Variants in ARHGAP42 observed in about 807,000 individuals in gnomAD.
ARHGAP42 encodes the protein rho GTPase-activating protein 42.
ARHGAP42 carries 63 observed loss-of-function variants against 125.0 expected under a neutral mutation model. The observed-to-expected ratio is 0.50, with a 90% CI of 0.41 to 0.62. The LOEUF is 0.62. ARHGAP42 is among the 20% of genes least tolerant of loss of function. ARHGAP42 has a pLI of 0.00. For missense variants in ARHGAP42, 766 were observed against 1,024.2 expected, an observed-to-expected ratio of 0.75 and a Z score of 3.44; for synonymous variants, 339 against 351.0, an observed-to-expected ratio of 0.97 and a Z score of 0.38.
intron 1 of ARHGAP42, among the ~76,000 whole-genome samples, chr11:100,724,834 TTC>T (rs1861827163): frequency 9.6e-6 from 1 of 104,264 alleles, no homozygotes; most frequent in Non-Finnish European, 2.0e-5. Context: ...TACTTTTTAT[TTC>T]TTTTTTTTTA....
At chr11:100,805,397 G>T (rs1299362638) in intron 3 of ARHGAP42, among the ~76,000 whole-genome samples, 1 of 152,152 alleles carries the variant, frequency 6.6e-6, no homozygotes, top group African/African-American at 2.4e-5. Context: ...AATTAGGGAA[G>T]AAGGGAAGAA....
At chr11:100,697,482 A>C (rs779329710) in intron 1 of ARHGAP42, among the ~76,000 whole-genome samples, 1 of 152,138 alleles carries the variant, frequency 6.6e-6, no homozygotes, top group African/African-American at 2.4e-5. Flanking sequence ...GCGCCCGGCC[A>C]ATCAGTAGTG....
intron 4 of ARHGAP42, among the ~76,000 whole-genome samples, chr11:100,892,183 A>G (rs183430844): frequency 6.6e-6 from 1 of 152,340 alleles, no homozygotes; most frequent in African/African-American, 2.4e-5. Context: ...TAATAGTAAA[A>G]ACTGTATTTT....
chr11:100,969,828 A>G (rs567609030), intron 17 of ARHGAP42, among the ~76,000 whole-genome samples: 1 of 152,096 alleles, frequency 6.6e-6, no homozygotes, highest in South Asian at 2.1e-4. Flanking sequence ...AGTTTTTATT[A>G]TCTACTTTTT....
At chr11:100,724,631 G>A (rs1861823204) in intron 1 of ARHGAP42, among the ~76,000 whole-genome samples, 1 of 151,846 alleles carries the variant, frequency 6.6e-6, no homozygotes. Flanking sequence ...TATCATTTCA[G>A]TACCCAGGGG....
At chr11:100,891,722 T>A (rs1591272174) in intron 4 of ARHGAP42, among the ~76,000 whole-genome samples, 1 of 152,196 alleles carries the variant, frequency 6.6e-6, no homozygotes, top group Non-Finnish European at 1.5e-5. Flanking sequence ...GGATTACAGG[T>A]GTGAGCCACC....
intron 3 of ARHGAP42, among the ~76,000 whole-genome samples, chr11:100,832,238 A>T (rs538955948): frequency 1.4e-4 from 21 of 152,182 alleles, no homozygotes; most frequent in Admixed American, 1.2e-3. Context: ...CTTTTTCTTT[A>T]CTCTGCAGAA....
intron 1 of ARHGAP42, among the ~76,000 whole-genome samples, chr11:100,725,174 C>T (rs1270323874): frequency 3.5e-4 from 52 of 149,760 alleles, no homozygotes; most frequent in African/African-American, 1.1e-3. Flanking sequence ...AAATATTTTT[C>T]CTTTTTTTTT....
chr11:100,891,224 C>G (rs1004680996), intron 4 of ARHGAP42, among the ~76,000 whole-genome samples: 1 of 152,096 alleles, frequency 6.6e-6, no homozygotes, highest in African/African-American at 2.4e-5. Flanking sequence ...GTTTTGTTCA[C>G]AGGAACAAAA....
chr11:100,845,512 C>A (rs546901541), intron 3 of ARHGAP42, among the ~76,000 whole-genome samples: 4 of 151,828 alleles, frequency 2.6e-5, no homozygotes, highest in South Asian at 2.1e-4. Context: ...TAAAAAAAAA[C>A]TAAAAAATAA....
intron 4 of ARHGAP42, among the ~76,000 whole-genome samples, chr11:100,870,369 TAAGAGTTCGTGCTTTTATC>T (rs1386624101): frequency 6.6e-6 from 1 of 152,216 alleles, no homozygotes; most frequent in Non-Finnish European, 1.5e-5. Context: ...GTTCTTGGTT[TAAGAGTTCGTGCTTTTATC>T]TGTAGATACA....
intron 3 of ARHGAP42, among the ~76,000 whole-genome samples, chr11:100,807,736 T>A (rs974326230): frequency 2.0e-5 from 3 of 152,202 alleles, no homozygotes; most frequent in Non-Finnish European, 2.9e-5. Context: ...CATCTCTAGT[T>A]CTTTCATTTT....
At chr11:100,954,833 T>A (rs1857763011) in intron 12 of ARHGAP42, among the ~76,000 whole-genome samples, 1 of 152,176 alleles carries the variant, frequency 6.6e-6, no homozygotes, top group Admixed American at 6.6e-5. Context: ...CCAGTAGGTA[T>A]CATGAACACT....
rs1484994409 is a variant in ARHGAP42 at position 100,777,457 on chromosome 11, G to A, written c.250+7019G>A. On this transcript the variant is annotated intron_variant, in intron 2 of 23. Coordinates refer to ENST00000298815, the MANE Select transcript of ARHGAP42 (RefSeq NM_152432.4). ...CTCATTCAGTTTCTTTGTTAGAAGA[G>A]TGACTGTGTAAAAAGGCATAAAATT... 6.6e-5 allele frequency among the ~76,000 whole-genome samples: 10 copies of A among 152,184 alleles called. 1 individual carries two copies. The East Asian group carries it at 1.7e-3, about 26-fold the overall frequency.
rs1375688944 is a variant in ARHGAP42, at chr11:100,987,531, C to T, written c.2475C>T (p.Tyr825=). 1.9e-5 allele frequency: 30 copies of T among 1,551,728 alleles called. No individual in the cohort carries two copies. Among genetic ancestry groups the T allele is most frequent in the Non-Finnish European group, 2.4e-5 (27 of 1,146,960 alleles). The change falls in exon 23 of 24, where the codon TAC becomes TAT. Residue 825 remains tyrosine (Y), a synonymous_variant. Coordinates refer to ENST00000298815, the MANE Select transcript of ARHGAP42 (RefSeq NM_152432.4). The part of the protein sequence containing the change: ...VSSGRQAKAM[Y]SCKAEHSHEL... ...CTTTCAGCCAAGCCAAAGCCATGTA[C>T]TCCTGTAAAGCAGAGCACAGTCATG...
At chr11:100,691,691 A>AT (rs1455057980) in intron 1 of ARHGAP42, among the ~76,000 whole-genome samples, 50 of 151,926 alleles carry the variant, frequency 3.3e-4, no homozygotes, top group Admixed American at 3.3e-3. Flanking sequence ...AATTTTTGAT[A>AT]TTTTTTGTAG....
At chr11:100,731,891 C>A (rs1285666499) in intron 1 of ARHGAP42, among the ~76,000 whole-genome samples, 1 of 152,156 alleles carries the variant, frequency 6.6e-6, no homozygotes, top group Non-Finnish European at 1.5e-5. Context: ...GTTGCCTTTT[C>A]CATGTTTTTC....
intron 3 of ARHGAP42, chr11:100,840,083 G>T (rs1864909889): frequency 6.6e-6 from 1 of 152,126 alleles, no homozygotes; most frequent in Non-Finnish European, 1.5e-5. Context: ...GGCTTATAAA[G>T]AAAGTAGTGT....
rs1370021436 is a variant in ARHGAP42, at chr11:100,976,935, C to G, written c.2357C>G (p.Thr786Ser). ...PKMCRRLRLD[T>S]ASSNGYQRPG... ...ATGTGCAGGAGATTAAGACTAGACA[C>G]TGCCTCAAGCAATGGCTATCAGCGG... Residue 786 changes from threonine to serine, a missense_variant, in exon 21 of 24, where the codon ACT (threonine) becomes AGT (serine). Transcript: ENST00000298815. 1 of 1,551,364 alleles carries G rather than the reference C, an allele frequency of 6.4e-7. No individual in the cohort carries two copies. The highest frequency in any genetic ancestry group is 1.4e-5 in the African/African-American group (1 of 73,032).
Sources: gnomAD v4.1 joint callset for allele counts (sites outside exome capture counted in the v4.1 genomes callset) on GRCh38, gnomAD v4.1.1 for gene constraint, MANE v1.5 for transcripts, NCBI Gene and HGNC (gene_info 2026-07-23, HGNC 2026-07-21) for gene names.